Variants in RNF152 observed in about 807,000 individuals in gnomAD.
RNF152 encodes E3 ubiquitin-protein ligase RNF152.
Under a neutral mutation model 12.7 loss-of-function variants are expected in RNF152, and 11 were observed. The observed-to-expected ratio is 0.86, with a 90% CI of 0.54 to 1.43. The LOEUF (loss-of-function observed/expected upper bound fraction) is 1.43, where lower values mean the gene tolerates loss of function less well. RNF152 is among the 40% of genes most tolerant of loss of function. The probability of loss-of-function intolerance (pLI) is 0.00; values close to 1 mark genes in which losing one functional copy is unlikely to be tolerated. For synonymous variants in RNF152, 113 were observed against 120.3 expected (o/e 0.94, Z 0.40); for missense variants, 255 against 274.8 (o/e 0.93, Z 0.51).
At chr18:61,825,457 G>T (rs543842791) in intron 1 of RNF152, among the ~76,000 whole-genome samples, 1 of 152,340 alleles carries the variant, frequency 6.6e-6, no homozygotes, top group East Asian at 1.9e-4. Flanking sequence ...CAGAGATACT[G>T]GAGAGAGAAG....
chr18:61,821,179 T>A lies in RNF152; in HGVS notation c.-135-4581A>T, dbSNP rs1304536152. 3.3e-5 allele frequency among the ~76,000 whole-genome samples: 5 copies of A among 152,244 alleles called. No individual in the cohort carries two copies. The East Asian group carries it at 9.6e-4, about 29-fold the overall frequency. On this transcript the variant is annotated intron_variant, in intron 1 of 1. Coordinates refer to ENST00000312828, the MANE Select transcript of RNF152 (RefSeq NM_173557.3). ...TGCCCCAAGACCTGCGTACCATCAT[T>A]GGTCAACAAAACCAATATGCAATTT...
chr18:61,882,711 G>A (rs1193466773), intron 1 of RNF152, among the ~76,000 whole-genome samples: 3 of 152,148 alleles, frequency 2.0e-5, no homozygotes, highest in African/African-American at 7.2e-5. Flanking sequence ...CTGGCAAATT[G>A]GAGCCCAGCT....
At chr18:61,888,993 A>T (rs1912822770) in intron 1 of RNF152, 1 of 152,244 alleles carries the variant, frequency 6.6e-6, no homozygotes, top group African/African-American at 2.4e-5. Context: ...ATAGTTCAAG[A>T]CTAGTCCCTC....
At chr18:61,829,596 A>AGGAG (rs1162730310) in intron 1 of RNF152, among the ~76,000 whole-genome samples, 1 of 89,304 alleles carries the variant, frequency 1.1e-5, no homozygotes, top group Non-Finnish European at 2.7e-5. Context: ...GAGAGAGATA[A>AGGAG]GGAGAGAGAG....
At chr18:61,842,053 A>T (rs9962890) in intron 1 of RNF152, among the ~76,000 whole-genome samples, 5,731 of 152,358 alleles carry the variant, frequency 0.038, 375 homozygotes, top group African/African-American at 0.13. Context: ...CTTTAAAGCC[A>T]GCACAAGGAA....
At chr18:61,824,102 AT>A (rs1324248684) in intron 1 of RNF152, among the ~76,000 whole-genome samples, 2 of 152,232 alleles carry the variant, frequency 1.3e-5, no homozygotes, top group East Asian at 1.9e-4. Context: ...GAATCTAGAC[AT>A]TTTTAGGAAT....
rs533756277 is a variant in RNF152, at chr18:61,836,153, T to C, written c.-135-19555A>G. On this transcript the variant is annotated intron_variant, in intron 1 of 1. Transcript: ENST00000312828. ...ATTTCTCACTAAAAAGAAGCTGACA[T>C]CTTTGGAGAAATGGTTGATTCCAGG... 5.7e-4 allele frequency among the ~76,000 whole-genome samples: 87 copies of C among 152,264 alleles called. 2 individuals are homozygous for C. The South Asian group carries it at 0.013, about 23-fold the overall frequency.
intron 1 of RNF152, among the ~76,000 whole-genome samples, chr18:61,830,679 AG>A (rs36050564): frequency 2.0e-5 from 3 of 152,182 alleles, no homozygotes; most frequent in Non-Finnish European, 4.4e-5. Flanking sequence ...TAAAGGAAAG[AG>A]GGGCAAGGCT....
intron 1 of RNF152, among the ~76,000 whole-genome samples, chr18:61,824,674 T>C (rs1468438842): frequency 2.0e-5 from 3 of 152,178 alleles, no homozygotes; most frequent in African/African-American, 7.2e-5. Context: ...TGAAGAAAGA[T>C]ATTCCTATTA....
At chr18:61,887,195 A>C (rs1912738681) in intron 1 of RNF152, among the ~76,000 whole-genome samples, 1 of 152,208 alleles carries the variant, frequency 6.6e-6, no homozygotes, top group Admixed American at 6.5e-5. Context: ...GAAGAATATG[A>C]GCTTCCTCCC....
intron 1 of RNF152, among the ~76,000 whole-genome samples, chr18:61,844,408 A>T (rs898579497): frequency 6.6e-6 from 1 of 152,240 alleles, no homozygotes; most frequent in African/African-American, 2.4e-5. Flanking sequence ...TATGAGTAAC[A>T]GACTATTGGA....
chr18:61,816,622 C>A (rs1227228974), intron 1 of RNF152, 24 bp from the exon 2 acceptor site: 49 of 699,316 alleles, frequency 7.0e-5, no homozygotes, highest in Non-Finnish European at 5.8e-5. Flanking sequence ...ATAATGCAAA[C>A]AATCTTAATT....
chr18:61,864,792 G>A (rs574126295), intron 1 of RNF152, among the ~76,000 whole-genome samples: 28 of 152,292 alleles, frequency 1.8e-4, no homozygotes, highest in African/African-American at 4.6e-4. Flanking sequence ...CACGCCTGCC[G>A]AGGCAGGTGG....
chr18:61,855,947 A>G (rs1037336782), intron 1 of RNF152, among the ~76,000 whole-genome samples: 2 of 152,216 alleles, frequency 1.3e-5, no homozygotes, highest in African/African-American at 2.4e-5. Context: ...ACTACTCCAC[A>G]TACTTTAATC....
chr18:61,827,272 C>A (rs1023827427), intron 1 of RNF152, among the ~76,000 whole-genome samples: 5 of 152,168 alleles, frequency 3.3e-5, no homozygotes, highest in African/African-American at 1.2e-4. Flanking sequence ...CGGTGGGTCA[C>A]CTTGACCATC....
intron 1 of RNF152, among the ~76,000 whole-genome samples, chr18:61,865,734 A>G (rs1234477437): frequency 6.6e-6 from 1 of 152,228 alleles, no homozygotes; most frequent in African/African-American, 2.4e-5. Flanking sequence ...GTTTAGACAT[A>G]GAGCCCAATG....
intron 1 of RNF152, among the ~76,000 whole-genome samples, chr18:61,835,070 C>T (rs920284353): frequency 6.6e-6 from 1 of 152,162 alleles, no homozygotes; most frequent in African/African-American, 2.4e-5. Flanking sequence ...CACTCTCAAA[C>T]ACTGCTAAAT....
chr18:61,876,865 T>C (rs910937319), intron 1 of RNF152, among the ~76,000 whole-genome samples: 2 of 152,312 alleles, frequency 1.3e-5, no homozygotes, highest in Non-Finnish European at 2.9e-5. Flanking sequence ...AAATGCTTTA[T>C]ATGGGGGAAC....
Position 61,810,079 on chromosome 18 carries a change from T to C in RNF152, c.*5773A>G, listed in dbSNP as rs765606015. On this transcript the variant is annotated 3_prime_UTR_variant, in exon 2 of 2. Coordinates refer to ENST00000312828, the MANE Select transcript of RNF152 (RefSeq NM_173557.3). The stretch of plus-strand genomic sequence containing the variant: ...TAAAATGTATACAGTAGAACCTACC[T>C]CTTCATATATTTGAAAAGTTTCAAG... 3 of 152,190 alleles carry C rather than the reference T, an allele frequency of 2.0e-5. No individual in the cohort carries two copies. Among genetic ancestry groups the C allele is most frequent in the Non-Finnish European group, 4.4e-5 (3 of 68,030 alleles). 9.4% of individuals were successfully genotyped at this position (152,190 alleles called of 1,614,324 possible).
Sources: gnomAD v4.1 joint callset for allele counts (sites outside exome capture counted in the v4.1 genomes callset) on GRCh38, gnomAD v4.1.1 for gene constraint, MANE v1.5 for transcripts, NCBI Gene and HGNC (gene_info 2026-07-23, HGNC 2026-07-21) for gene names.